Variants in BCKDHB observed in about 807,000 individuals in gnomAD.
The protein encoded by BCKDHB is branched chain keto acid dehydrogenase E1 subunit beta, also known as 2-oxoisovalerate dehydrogenase subunit beta, mitochondrial.
In BCKDHB, 41 loss-of-function variants were observed where a neutral mutation model predicts 48.5. The ratio of observed to expected loss-of-function variants is 0.85; its 90% CI spans 0.66 to 1.10. The LOEUF (loss-of-function observed/expected upper bound fraction) is 1.10. Among genes scored for constraint, BCKDHB ranks in the 50% least tolerant of loss-of-function variants. The pLI is 0.00. For missense variants in BCKDHB, 496 were observed against 494.2 expected, an observed-to-expected ratio of 1.00 and a Z score of -0.03; for synonymous variants, 201 against 174.8, an observed-to-expected ratio of 1.15 and a Z score of -1.18.
At chr6:80,266,035 C>T (rs1315158646) in intron 8 of BCKDHB, among the ~76,000 whole-genome samples, 1 of 152,008 alleles carries the variant, frequency 6.6e-6, no homozygotes, top group Non-Finnish European at 1.5e-5. Context: ...CCTGGAAGAG[C>T]CAGGAAGGGT....
intron 8 of BCKDHB, among the ~76,000 whole-genome samples, chr6:80,270,902 T>C (rs1238192721): frequency 6.6e-6 from 1 of 152,110 alleles, no homozygotes; most frequent in Non-Finnish European, 1.5e-5. Context: ...GAGAAGATTA[T>C]AACTACAAAA....
chr6:80,436,184 C>G, the BCKDHB span, among the ~76,000 whole-genome samples: 5,073 of 105,142 alleles, frequency 0.048, 156 homozygotes, highest in East Asian at 0.15. Flanking sequence ...GGCGGAGTCT[C>G]GCTCTGCTGC....
chr6:80,146,817 C>T (rs1374057769), intron 3 of BCKDHB, among the ~76,000 whole-genome samples: 3 of 152,206 alleles, frequency 2.0e-5, no homozygotes, highest in Non-Finnish European at 2.9e-5. Context: ...CTGGAAGAAT[C>T]TGGAGGTTAA....
intron 9 of BCKDHB, among the ~76,000 whole-genome samples, chr6:80,314,955 G>A (rs975927095): frequency 1.3e-5 from 2 of 152,312 alleles, no homozygotes; most frequent in African/African-American, 2.4e-5. Flanking sequence ...CCCACGGGCT[G>A]GAATGGCTGA....
chr6:80,295,438 A>G (rs1167535179), intron 9 of BCKDHB, among the ~76,000 whole-genome samples: 1 of 152,004 alleles, frequency 6.6e-6, no homozygotes, highest in East Asian at 1.9e-4. Context: ...CATGATACTT[A>G]CTCACTATCA....
rs577134000 is a variant in BCKDHB, at chr6:80,232,882, T to G, written c.951+29670T>G. Among the ~76,000 whole-genome samples, 12 of 151,936 alleles carry G rather than the reference T, an allele frequency of 7.9e-5. No individual in the cohort carries two copies. The South Asian group carries it at 2.5e-3, about 31-fold the overall frequency. On this transcript the variant is annotated intron_variant, in intron 8 of 9. Transcript: ENST00000320393. ...ACAGAAATCCAAGACAAAAATTGCT[T>G]GAGTCTTTTAATCAAGCCATTATCT...
intron 6 of BCKDHB, among the ~76,000 whole-genome samples, chr6:80,184,715 A>G (rs758161444): frequency 3.9e-5 from 6 of 152,186 alleles, no homozygotes; most frequent in Non-Finnish European, 8.8e-5. Flanking sequence ...GCGGCATACA[A>G]AATTCTTGGC....
At chr6:80,109,726 A>G (rs1769315344) in intron 1 of BCKDHB, among the ~76,000 whole-genome samples, 2 of 152,246 alleles carry the variant, frequency 1.3e-5, no homozygotes, top group South Asian at 4.2e-4. Flanking sequence ...TATACTCAGT[A>G]TTTTTCCTAT....
chr6:80,412,318 A>AT, the BCKDHB span, among the ~76,000 whole-genome samples: 23 of 150,768 alleles, frequency 1.5e-4, 1 homozygote, highest in South Asian at 2.9e-3. Flanking sequence ...TAATTTTTGT[A>AT]TTTTTTTTAG....
intron 8 of BCKDHB, among the ~76,000 whole-genome samples, chr6:80,210,854 T>C (rs1159977058): frequency 1.3e-5 from 2 of 152,058 alleles, no homozygotes; most frequent in Admixed American, 1.3e-4. Flanking sequence ...GTGGTTAGGG[T>C]TATGGGCTTT....
rs143843243 is a variant in BCKDHB, at chr6:80,330,360, T to C, written c.1039-13304T>C. On this transcript the variant is annotated intron_variant, in intron 9 of 9. Coordinates refer to ENST00000320393, the MANE Select transcript of BCKDHB (RefSeq NM_183050.4). ...ATATATATATATTTGGCCTCATCAG[T>C]AGCAAAGCTCATTAATACTCCAGGA... 6.3e-3 allele frequency among the ~76,000 whole-genome samples: 958 copies of C among 152,262 alleles called. 19 individuals carry two copies. The highest frequency in any genetic ancestry group is 0.037 in the Admixed American group (559 of 15,290).
At chr6:80,418,894 G>T in the BCKDHB span, among the ~76,000 whole-genome samples, 1 of 152,230 alleles carries the variant, frequency 6.6e-6, no homozygotes, top group Non-Finnish European at 1.5e-5. Flanking sequence ...TCTGGTGATT[G>T]TGTGCGTAGT....
chr6:80,157,459 A>ATTTTTTT (rs36063034), intron 3 of BCKDHB, among the ~76,000 whole-genome samples: 16 of 96,728 alleles, frequency 1.7e-4, no homozygotes, highest in Non-Finnish European at 2.8e-4. Context: ...TTGGGTGAGA[A>ATTTTTTT]TTTTTTTTTT....
intron 9 of BCKDHB, among the ~76,000 whole-genome samples, chr6:80,311,244 G>T (rs1238394926): frequency 3.3e-5 from 5 of 152,090 alleles, no homozygotes; most frequent in African/African-American, 1.2e-4. Flanking sequence ...CCATGATTGT[G>T]AGCCCTCTCC....
intron 9 of BCKDHB, among the ~76,000 whole-genome samples, chr6:80,282,538 T>C (rs1003491861): frequency 6.6e-6 from 1 of 152,146 alleles, no homozygotes; most frequent in East Asian, 1.9e-4. Flanking sequence ...TAAGTTATGA[T>C]TTGTCCACTT....
downstream of BCKDHB, among the ~76,000 whole-genome samples, chr6:80,348,493 A>G (rs1770303477): frequency 6.6e-6 from 1 of 152,172 alleles, no homozygotes; most frequent in African/African-American, 2.4e-5. Context: ...GCCAATCCCA[A>G]CACTGTGCAG....
Position 80,301,918 on chromosome 6 carries a change from G to A in BCKDHB, c.1038+28697G>A, listed in dbSNP as rs1414095760. Among the ~76,000 whole-genome samples the A allele has an allele frequency of 2.6e-5, 4 of 152,032 alleles. No individual in the cohort carries two copies. The East Asian group carries it at 7.7e-4, about 29-fold the overall frequency. On this transcript the variant is annotated intron_variant, in intron 9 of 9. Transcript: ENST00000320393. ...CTGGGATAATCTACTGATTACCTCA[G>A]TAGATGCAAAAAAAACTTTTGATAA...
intron 9 of BCKDHB, among the ~76,000 whole-genome samples, chr6:80,341,944 T>G (rs1018905182): frequency 2.6e-5 from 4 of 152,198 alleles, no homozygotes; most frequent in Non-Finnish European, 5.9e-5. Flanking sequence ...GTGGAATCTC[T>G]TAGGTGGCTC....
chr6:80,450,344 A>G, the BCKDHB span, among the ~76,000 whole-genome samples: 1 of 152,066 alleles, frequency 6.6e-6, no homozygotes, highest in African/African-American at 2.4e-5. Flanking sequence ...TTTTTCTTAG[A>G]AAGAAACATT....
Sources: allele counts gnomAD v4.1 joint callset (sites outside exome capture counted in the v4.1 genomes callset), GRCh38; gene constraint gnomAD v4.1.1; transcripts MANE v1.5; gene names NCBI Gene and HGNC (gene_info 2026-07-23, HGNC 2026-07-21).